Variants in MTAP observed in about 807,000 individuals in gnomAD.
The protein encoded by MTAP is S-methyl-5'-thioadenosine phosphorylase.
Under a neutral mutation model 33.6 loss-of-function variants are expected in MTAP, and 33 were observed. The ratio of observed to expected loss-of-function variants is 0.98; its 90% CI spans 0.74 to 1.31. MTAP has a LOEUF of 1.31. Among genes scored for constraint, MTAP ranks in the 40% most tolerant of loss-of-function variants. The pLI is 0.00. For missense variants in MTAP, 367 were observed against 360.0 expected (o/e 1.02, Z -0.16); for synonymous variants, 148 against 125.7 (o/e 1.18, Z -1.19).
At chr9:21,860,735 T>G (rs1219290008) in intron 7 of MTAP, 2 of 147,186 alleles carry the variant, frequency 1.4e-5, no homozygotes, top group African/African-American at 5.4e-5. Flanking sequence ...TCATAGAAGT[T>G]TGTTTGTTTA....
intron 4 of MTAP, among the ~76,000 whole-genome samples, chr9:21,819,900 A>G (rs544440968): frequency 2.0e-5 from 3 of 152,294 alleles, no homozygotes; most frequent in East Asian, 3.9e-4. Flanking sequence ...AGTGATGATG[A>G]GCATTTTTTC....
chr9:21,837,911 C>T lies in MTAP; in HGVS notation c.351C>T (p.Thr117=). ...IVIIDQFIDR[T]TMRPQSFYDG... ...CCTTTTTTGCTTTATTTTGTAGGAC[C>T]ACTATGAGACCTCAGTCCTTCTATG... The change falls in exon 5 of 8, where the codon ACC becomes ACT. Residue 117 remains threonine (T), a synonymous_variant. Transcript: ENST00000644715. 1 of 1,612,224 alleles carries T rather than the reference C, an allele frequency of 6.2e-7. No individual in the cohort carries two copies. The highest frequency in any genetic ancestry group is 2.2e-5 in the East Asian group (1 of 44,840).
At chr9:21,815,378 A>G (rs1824448943) in intron 1 of MTAP, 55 bp from the exon 2 acceptor site, 1 of 1,225,908 alleles carries the variant, frequency 8.2e-7, no homozygotes, top group African/African-American at 1.5e-5. Flanking sequence ...TTAGAATCTT[A>G]TTTCTAATAA....
At chr9:21,927,335 A>C (rs1350083608) in intron 1 of MTAP, among the ~76,000 whole-genome samples, 1 of 152,300 alleles carries the variant, frequency 6.6e-6, no homozygotes, top group East Asian at 1.9e-4. Flanking sequence ...ACAATGGGAC[A>C]GTCGGTCAGG....
At chr9:21,811,628 A>G (rs1427942625) in intron 1 of MTAP, 5 of 509,392 alleles carry the variant, frequency 9.8e-6, no homozygotes, top group African/African-American at 7.7e-5. Flanking sequence ...TAGGCCACCT[A>G]CCTCCTCCTT....
intron 1 of MTAP, chr9:21,929,329 G>C (rs1818917669): frequency 6.4e-6 from 1 of 155,930 alleles, no homozygotes; most frequent in South Asian, 2.0e-4. Context: ...CCTAGTATTA[G>C]GAATTTTACT....
intron 1 of MTAP, chr9:21,812,335 CTTTA>C (rs1215653795): frequency 5.9e-6 from 1 of 169,888 alleles, no homozygotes; most frequent in Non-Finnish European, 1.3e-5. Flanking sequence ...TCATAGAGAG[CTTTA>C]TTTATTATCA....
chr9:21,828,959 A>G (rs539494274), intron 4 of MTAP, among the ~76,000 whole-genome samples: 19 of 152,274 alleles, frequency 1.2e-4, no homozygotes, highest in Admixed American at 3.3e-4. Context: ...TATATCATTC[A>G]TTATGTGTTT....
intron 5 of MTAP, 127 bp from the exon 6 acceptor site, chr9:21,854,504 A>G: frequency 7.8e-7 from 1 of 1,285,730 alleles, no homozygotes; most frequent in Non-Finnish European, 1.0e-6. Flanking sequence ...AGCCTGGCAG[A>G]TAGTAGGCAT....
At chr9:21,914,075 A>T (rs1818632472) in intron 1 of MTAP, among the ~76,000 whole-genome samples, 1 of 152,226 alleles carries the variant, frequency 6.6e-6, no homozygotes, top group Non-Finnish European at 1.5e-5. Context: ...TCAAAATCAC[A>T]ATGAGATACC....
intron 1 of MTAP, among the ~76,000 whole-genome samples, chr9:21,884,439 G>GA (rs1010255544): frequency 3.2e-4 from 48 of 152,088 alleles, no homozygotes; most frequent in African/African-American, 1.2e-3. Context: ...ATGTTAAGTG[G>GA]AAAAAAGCAA....
intron 4 of MTAP, among the ~76,000 whole-genome samples, chr9:21,820,944 A>G (rs1824620370): frequency 6.6e-6 from 1 of 152,212 alleles, no homozygotes; most frequent in Non-Finnish European, 1.5e-5. Flanking sequence ...ATTGGTGTAT[A>G]AGAATGCTTG....
chr9:21,825,408 A>T (rs1396327341), intron 4 of MTAP, among the ~76,000 whole-genome samples: 1 of 152,196 alleles, frequency 6.6e-6, no homozygotes, highest in African/African-American at 2.4e-5. Flanking sequence ...TTCTTGGATC[A>T]TGTGGTAGTT....
At chr9:21,891,321 A>G (rs1818197134) in intron 1 of MTAP, among the ~76,000 whole-genome samples, 1 of 152,178 alleles carries the variant, frequency 6.6e-6, no homozygotes, top group African/African-American at 2.4e-5. Flanking sequence ...CATTGAATTC[A>G]GAATCTGGAT....
intron 1 of MTAP, among the ~76,000 whole-genome samples, chr9:21,901,412 C>T (rs1818391077): frequency 6.6e-6 from 1 of 152,052 alleles, no homozygotes; most frequent in South Asian, 2.1e-4. Flanking sequence ...AGTAATGAAG[C>T]TTGAAAATTA....
chr9:21,865,218 C>T lies in MTAP; in HGVS notation c.*3204C>T. ...ACTGCTGTTCTCATGATACTGAGTT[C>T]TCACAAGTCCTGTTTGTTTTATAAG... On this transcript the variant is annotated 3_prime_UTR_variant, in exon 8 of 8. Coordinates refer to ENST00000644715, the MANE Select transcript of MTAP (RefSeq NM_002451.4). 2 of 530,280 alleles carry T rather than the reference C, an allele frequency of 3.8e-6. No individual in the cohort carries two copies. Among genetic ancestry groups the T allele is most frequent in the Non-Finnish European group, 4.8e-6 (2 of 414,048 alleles). 32.8% of individuals were successfully genotyped at this position (530,280 alleles called of 1,614,324 possible).
At position 21,824,924 on chromosome 9, in the gene MTAP, T is replaced by C. The variant is rs149234252; in HGVS notation, c.347+6722T>C. Among the ~76,000 whole-genome samples, 1,145 of 152,130 alleles carry C rather than the reference T, an allele frequency of 7.5e-3. 12 individuals are homozygous for C. Among genetic ancestry groups the C allele is most frequent in the African/African-American group, 0.025 (1,035 of 41,402 alleles). On this transcript the variant is annotated intron_variant, in intron 4 of 7. Coordinates refer to ENST00000644715, the MANE Select transcript of MTAP (RefSeq NM_002451.4). ...CTATGCACGGGATATAATCTCCTGGTGTGCCGTTTGCTAAGACAGTTGGAA... is the reference window on the plus strand; with the variant it reads ...CTATGCACGGGATATAATCTCCTGGCGTGCCGTTTGCTAAGACAGTTGGAA...
intron 1 of MTAP, among the ~76,000 whole-genome samples, chr9:21,894,225 A>C (rs7024177): frequency 2.6e-5 from 4 of 151,612 alleles, no homozygotes; most frequent in African/African-American, 7.3e-5. Context: ...AAAAAAAAAA[A>C]AAAAACTAGG....
intron 1 of MTAP, among the ~76,000 whole-genome samples, chr9:21,880,865 A>G (rs1422420109): frequency 6.6e-6 from 1 of 152,096 alleles, no homozygotes; most frequent in African/African-American, 2.4e-5. Flanking sequence ...CACAATCCCT[A>G]TAAAAATCTC....
Sources: gnomAD v4.1 joint callset for allele counts (sites outside exome capture counted in the v4.1 genomes callset) on GRCh38, gnomAD v4.1.1 for gene constraint, MANE v1.5 for transcripts, NCBI Gene and HGNC (gene_info 2026-07-23, HGNC 2026-07-21) for gene names.